Variants in PYGO1 observed in about 807,000 individuals in gnomAD.
The protein encoded by PYGO1 is pygopus homolog 1.
PYGO1 carries 6 observed loss-of-function variants against 29.5 expected under a neutral mutation model. The observed-to-expected ratio is 0.20, with a 90% confidence interval of 0.11 to 0.40. The LOEUF (loss-of-function observed/expected upper bound fraction) is 0.40, where lower values mean the gene tolerates loss of function less well. Ranked by LOEUF, PYGO1 falls within the 10% of genes least tolerant of loss-of-function variation. The pLI is 1.00. For missense variants in PYGO1, 515 were observed against 514.9 expected (o/e 1.00, Z 0.00); for synonymous variants, 186 against 180.5 (o/e 1.03, Z -0.24).
intron 1 of PYGO1, among the ~76,000 whole-genome samples, chr15:55,586,303 G>T (rs1208404887): frequency 6.6e-6 from 1 of 151,968 alleles, no homozygotes; most frequent in Non-Finnish European, 1.5e-5. Flanking sequence ...TCTATTCTCC[G>T]CACAGCAGCT....
At chr15:55,575,426 A>G (rs2058997370) in intron 1 of PYGO1, among the ~76,000 whole-genome samples, 1 of 152,202 alleles carries the variant, frequency 6.6e-6, no homozygotes, top group African/African-American at 2.4e-5. Flanking sequence ...AGTACTTTTA[A>G]AAAAATCACT....
intron 1 of PYGO1, among the ~76,000 whole-genome samples, chr15:55,549,653 T>G (rs886582426): frequency 6.6e-6 from 1 of 152,218 alleles, no homozygotes; most frequent in Non-Finnish European, 1.5e-5. Flanking sequence ...TATGTGCCTT[T>G]TAATTCTTAA....
chr15:55,562,760 G>T (rs2058938415), intron 1 of PYGO1, among the ~76,000 whole-genome samples: 1 of 151,972 alleles, frequency 6.6e-6, no homozygotes, highest in Admixed American at 6.6e-5. Context: ...GCTCATCAAT[G>T]ATAAAGAAAA....
At chr15:55,574,354 A>C (rs1190681965) in intron 1 of PYGO1, among the ~76,000 whole-genome samples, 1 of 152,230 alleles carries the variant, frequency 6.6e-6, no homozygotes, top group Non-Finnish European at 1.5e-5. Flanking sequence ...TTAATACTGC[A>C]TCATTGTTTA....
upstream of PYGO1, among the ~76,000 whole-genome samples, chr15:55,588,407 C>G (rs982399571): frequency 3.4e-5 from 5 of 148,894 alleles, no homozygotes; most frequent in South Asian, 2.1e-4. Context: ...GGACGTGGCG[C>G]GGCCCCGCGG....
rs191016695 is a variant in PYGO1, at chr15:55,562,300, G to A, written c.50-13305C>T. Reference sequence around the variant, plus strand: ...TGTGGTGATTCCTCAAAGATCTAGAGGCAGAAATACCATTGGACCCAGCAA... The same window carrying A: ...TGTGGTGATTCCTCAAAGATCTAGAAGCAGAAATACCATTGGACCCAGCAA... On this transcript the variant is annotated intron_variant, in intron 1 of 2. Coordinates refer to ENST00000563719, the MANE Select transcript of PYGO1 (RefSeq NM_001367806.1). Among the ~76,000 whole-genome samples the A allele has an allele frequency of 2.4e-3, 358 of 152,248 alleles. 2 individuals are homozygous for A. Among genetic ancestry groups the A allele is most frequent in the African/African-American group, 8.2e-3 (340 of 41,542 alleles).
chr15:55,560,791 T>C (rs1210704376), intron 1 of PYGO1, among the ~76,000 whole-genome samples: 4 of 151,928 alleles, frequency 2.6e-5, no homozygotes, highest in African/African-American at 4.8e-5. Context: ...TGAAACCCTG[T>C]CTCTACTAAA....
chr15:55,584,755 G>A lies in PYGO1; in HGVS notation c.49+3080C>T, dbSNP rs868827946. ...TCTTATAATCAAAAGGTGAAGGTTT[G>A]GGGGTGGAGTGTTAAGAACTGGTAG... On this transcript the variant is annotated intron_variant, in intron 1 of 2. Transcript: ENST00000563719. 2.2e-4 allele frequency among the ~76,000 whole-genome samples: 33 copies of A among 152,162 alleles called. 1 individual carries two copies. Among genetic ancestry groups the A allele is most frequent in the Admixed American group, 2.0e-4 (3 of 15,276 alleles).
chr15:55,559,593 A>G (rs902308369), intron 1 of PYGO1, among the ~76,000 whole-genome samples: 1 of 152,218 alleles, frequency 6.6e-6, no homozygotes, highest in Non-Finnish European at 1.5e-5. Flanking sequence ...ATGTCCATCA[A>G]TGATAGACTG....
rs2058830871 is a variant in PYGO1, at chr15:55,542,262, T to G, written c.*3761A>C. 6.6e-6 allele frequency: 1 copy of G among 152,232 alleles called. No homozygotes were observed. The highest frequency in any genetic ancestry group is 1.5e-5 in the Non-Finnish European group (1 of 68,038). 9.4% of individuals were successfully genotyped at this position (152,232 alleles called of 1,614,324 possible). ...TATTTGGATTAAAGTTGGCAGATTT[T>G]ATGATGACCCACACTATTAAGAGGT... On this transcript the variant is annotated 3_prime_UTR_variant, in exon 3 of 3. Transcript: ENST00000563719.
rs916531609 is a variant in PYGO1, at chr15:55,549,577, C to A, written c.50-582G>T. On this transcript the variant is annotated intron_variant, in intron 1 of 2. Coordinates refer to ENST00000563719, the MANE Select transcript of PYGO1 (RefSeq NM_001367806.1). ...CCTCTGCTGTTGCTGCAATAAAAATCCATGTATAAATGCCTTTAGAGAGAT... is the reference window on the plus strand; with the variant it reads ...CCTCTGCTGTTGCTGCAATAAAAATACATGTATAAATGCCTTTAGAGAGAT... Among the ~76,000 whole-genome samples the A allele has an allele frequency of 5.9e-5, 9 of 152,262 alleles. 1 individual carries two copies. The East Asian group carries it at 1.7e-3, about 29-fold the overall frequency.
chr15:55,548,865 C>A, intron 2 of PYGO1, 45 bp downstream of exon 2: 1 of 1,538,734 alleles, frequency 6.5e-7, no homozygotes, highest in South Asian at 1.2e-5. Context: ...TCAGCCTGAC[C>A]ATACTAGCAA....
At position 55,549,505 on chromosome 15, in the gene PYGO1, T is replaced by C. The variant is rs572641415; in HGVS notation, c.50-510A>G. 5.9e-5 allele frequency among the ~76,000 whole-genome samples: 9 copies of C among 152,294 alleles called. 1 individual carries two copies. In the East Asian group the frequency reaches 1.7e-3, roughly 29 times the overall value. On this transcript the variant is annotated intron_variant, in intron 1 of 2. Coordinates refer to ENST00000563719, the MANE Select transcript of PYGO1 (RefSeq NM_001367806.1). ...TACAGTGTGACTACACCATGATTCA[T>C]TAAACTAGTCCCCTCCATATTGATC...
intron 1 of PYGO1, among the ~76,000 whole-genome samples, chr15:55,565,437 C>T (rs1274562875): frequency 2.0e-5 from 3 of 152,060 alleles, no homozygotes; most frequent in Non-Finnish European, 4.4e-5. Flanking sequence ...AGCGCGGTGG[C>T]TCATGCCTGT....
chr15:55,580,567 A>G (rs1292893124), intron 1 of PYGO1, among the ~76,000 whole-genome samples: 1 of 152,200 alleles, frequency 6.6e-6, no homozygotes, highest in Non-Finnish European at 1.5e-5. Context: ...GATAAGTACC[A>G]TTATTATTCT....
intron 1 of PYGO1, among the ~76,000 whole-genome samples, chr15:55,559,146 C>T (rs966322535): frequency 1.3e-5 from 2 of 152,024 alleles, no homozygotes; most frequent in African/African-American, 4.8e-5. Context: ...AAGAAAAAAA[C>T]AACCCCATCG....
chr15:55,587,811 C>A, intron 1 of PYGO1, 24 bp downstream of exon 1: 2 of 1,482,158 alleles, frequency 1.3e-6, no homozygotes, highest in South Asian at 1.3e-5. Context: ...CCGGTTCCCC[C>A]AATCCGGCAC....
rs772034901 is a variant in PYGO1 at position 55,545,987 on chromosome 15, A to C, written c.*36T>G. 7 of 1,534,626 alleles carry C rather than the reference A, an allele frequency of 4.6e-6. No individual in the cohort carries two copies. The Admixed American group carries it at 8.1e-5, about 18-fold the overall frequency. ...CTGTGTCAATGAACTTCTGCAATGC[A>C]CAGGAAAATAAACCCACTTTAGTTA... is the stretch of plus-strand genomic sequence containing the variant. On this transcript the variant is annotated 3_prime_UTR_variant, in exon 3 of 3. Coordinates refer to ENST00000563719, the MANE Select transcript of PYGO1 (RefSeq NM_001367806.1).
chr15:55,558,815 C>T (rs1195915941), intron 1 of PYGO1, among the ~76,000 whole-genome samples: 5 of 151,964 alleles, frequency 3.3e-5, no homozygotes, highest in African/African-American at 9.7e-5. Context: ...CTTCCTTACA[C>T]CTTATACAAA....
Sources: gnomAD v4.1 joint callset for allele counts (sites outside exome capture counted in the v4.1 genomes callset) on GRCh38, gnomAD v4.1.1 for gene constraint, MANE v1.5 for transcripts, NCBI Gene and HGNC (gene_info 2026-07-23, HGNC 2026-07-21) for gene names.